DDB1: variants seen among roughly 807,000 people sequenced by gnomAD.
DDB1 encodes DNA damage-binding protein 1.
In DDB1, 18 loss-of-function variants were observed where a neutral mutation model predicts 133.1. That is an observed-to-expected ratio of 0.14 (90% CI 0.09 to 0.20). DDB1 has a LOEUF of 0.20. Among genes scored for constraint, DDB1 ranks in the 10% least tolerant of loss-of-function variants. The pLI, the probability that DDB1 is intolerant of heterozygous loss-of-function variation, is 1.00. For synonymous variants in DDB1, 580 were observed against 550.5 expected (o/e 1.05, Z -0.75); for missense variants, 828 against 1,459.2 (o/e 0.57, Z 7.05).
rs112533375 is a variant in DDB1 at position 61,323,284 on chromosome 11, A to G, written c.922-190T>C. On this transcript the variant is annotated intron_variant, in intron 7 of 26. Transcript: ENST00000301764. ...CTCTGAAGTTTTTGATTCTTCATCT[A>G]TTGCATCCCTACACTCAGAAAAATC... 3.3e-5 allele frequency: 20 copies of G among 609,886 alleles called. 1 individual carries two copies. The highest frequency in any genetic ancestry group is 1.8e-4 in the African/African-American group (10 of 54,498). 37.8% of individuals were successfully genotyped at this position (609,886 alleles called of 1,614,324 possible). A position where few individuals can be genotyped will look rare whatever the true frequency, so the allele number is the denominator to read the frequency against.
At chr11:61,319,630 C>G (rs1321933900) in intron 10 of DDB1, among the ~76,000 whole-genome samples, 1 of 152,090 alleles carries the variant, frequency 6.6e-6, no homozygotes, top group Non-Finnish European at 1.5e-5. Flanking sequence ...TGGGGTTTCA[C>G]CATGCTGGCC....
rs113207868 is a variant in DDB1 at position 61,309,275 on chromosome 11, T to C, written c.2567-198A>G. On this transcript the variant is annotated intron_variant, in intron 20 of 26. Transcript: ENST00000301764. Reference sequence around the variant, plus strand: ...CAAGATAATGTGCAGAGAAATCCAGTTGGTATCTAGGATCTGCCCCCTCGC... The same window carrying C: ...CAAGATAATGTGCAGAGAAATCCAGCTGGTATCTAGGATCTGCCCCCTCGC... 4.6e-5 allele frequency among the ~76,000 whole-genome samples: 7 copies of C among 152,244 alleles called. 1 individual carries two copies. The highest frequency in any genetic ancestry group is 2.1e-4 in the South Asian group (1 of 4,822).
At chr11:61,325,063 G>A (rs964851240) in intron 6 of DDB1, among the ~76,000 whole-genome samples, 10 of 152,052 alleles carry the variant, frequency 6.6e-5, no homozygotes, top group South Asian at 2.1e-4. Flanking sequence ...CAGGAGAATC[G>A]CCTGAACCTG....
intron 25 of DDB1, 84 bp downstream of exon 25, chr11:61,302,173 T>C (rs1212574360): frequency 2.0e-5 from 24 of 1,175,696 alleles, no homozygotes; most frequent in South Asian, 1.8e-4. Context: ...TCAAGACATG[T>C]AGTAGCTTCC....
intron 10 of DDB1, among the ~76,000 whole-genome samples, chr11:61,319,842 A>G (rs1454100494): frequency 6.6e-6 from 1 of 152,230 alleles, no homozygotes; most frequent in Non-Finnish European, 1.5e-5. Context: ...TTAAATATAA[A>G]GAGAGAACAG....
At chr11:61,325,195 C>G (rs1357518902) in intron 6 of DDB1, among the ~76,000 whole-genome samples, 1 of 151,888 alleles carries the variant, frequency 6.6e-6, no homozygotes, top group Non-Finnish European at 1.5e-5. Flanking sequence ...TAAAGTTGCC[C>G]CATGTGGTAG....
At chr11:61,303,416 C>T in intron 22 of DDB1, 1 of 394,404 alleles carries the variant, frequency 2.5e-6, no homozygotes, top group Non-Finnish European at 4.7e-6. Context: ...GGGCCGGGCA[C>T]AGTGGCTCAC....
chr11:61,302,121 A>G, intron 25 of DDB1, 136 bp downstream of exon 25: 3 of 730,342 alleles, frequency 4.1e-6, no homozygotes, highest in East Asian at 5.3e-5. Flanking sequence ...AAAAAGTCAA[A>G]AACAAAACAA....
intron 1 of DDB1, 69 bp downstream of exon 1, chr11:61,332,839 G>T: frequency 7.6e-7 from 1 of 1,322,058 alleles, no homozygotes; most frequent in Non-Finnish European, 9.8e-7. Flanking sequence ...CCGGGGCGGC[G>T]GGCCTCCCTA....
intron 21 of DDB1, among the ~76,000 whole-genome samples, chr11:61,306,970 T>C (rs1027318398): frequency 3.9e-5 from 6 of 152,176 alleles, no homozygotes; most frequent in African/African-American, 1.4e-4. Flanking sequence ...CTACTCAAAT[T>C]GCCAATACCT....
chr11:61,326,683 C>T (rs1856275900), intron 5 of DDB1, 96 bp downstream of exon 5: 3 of 921,938 alleles, frequency 3.3e-6, no homozygotes, highest in East Asian at 2.4e-5. Context: ...TAATACCGAG[C>T]GCCAAAACGA....
chr11:61,317,275 G>C (rs1856105067), intron 10 of DDB1, among the ~76,000 whole-genome samples: 1 of 151,210 alleles, frequency 6.6e-6, no homozygotes, highest in Non-Finnish European at 1.5e-5. Flanking sequence ...CACCACACCT[G>C]GCTAATTTTT....
At chr11:61,331,893 C>T (rs1328978334) in intron 1 of DDB1, 8 of 607,064 alleles carry the variant, frequency 1.3e-5, no homozygotes, top group Non-Finnish European at 2.0e-5. Flanking sequence ...AGCTACTTCC[C>T]TAATCAGACT....
At chr11:61,322,920 A>G in intron 8 of DDB1, 91 bp downstream of exon 8, 3 of 992,712 alleles carry the variant, frequency 3.0e-6, no homozygotes, top group Non-Finnish European at 4.5e-6. Flanking sequence ...GATAAAATGG[A>G]GAGATTCTGA....
Position 61,309,967 on chromosome 11 carries a change from A to C in DDB1, c.2402-7T>G. 1 of 1,614,178 alleles carries C rather than the reference A, an allele frequency of 6.2e-7. No homozygotes were observed. The highest frequency in any genetic ancestry group is 8.5e-7 in the Non-Finnish European group (1 of 1,180,000). ...AACTGGTGGGCATGAAGCACTAGAG[A>C]GTAGAGAGATGACTACGTGATGACA... On this transcript the variant is annotated splice_region_variant and splice_polypyrimidine_tract_variant and intron_variant, in intron 19 of 26. Coordinates refer to ENST00000301764, the MANE Select transcript of DDB1 (RefSeq NM_001923.5).
chr11:61,300,000 A>G lies in DDB1; in HGVS notation c.*136T>C. 1 of 770,954 alleles carries G rather than the reference A, an allele frequency of 1.3e-6. No homozygotes were observed. The highest frequency in any genetic ancestry group is 2.1e-5 in the Admixed American group (1 of 46,888). 47.8% of individuals were successfully genotyped at this position (770,954 alleles called of 1,614,324 possible). A position where few individuals can be genotyped will look rare whatever the true frequency, so the allele number is the denominator to read the frequency against. On this transcript the variant is annotated 3_prime_UTR_variant, in exon 27 of 27. Transcript: ENST00000301764. ...TATGAAGCCCGCCCCACTTCCACAT[A>G]GGGGAACTGTGGCTCTGGGGGCAGC...
chr11:61,323,419 TC>T, intron 7 of DDB1: 1 of 297,450 alleles, frequency 3.4e-6, no homozygotes, highest in South Asian at 4.0e-5. Context: ...CTTTTTTTTT[TC>T]TTTTTTTGAG....
chr11:61,301,812 G>T, intron 25 of DDB1: 1 of 163,020 alleles, frequency 6.1e-6, no homozygotes, highest in Non-Finnish European at 1.3e-5. Flanking sequence ...ATAGCACTTG[G>T]ATTCTGGGGG....
intron 26 of DDB1, among the ~76,000 whole-genome samples, 183 bp from the exon 27 acceptor site, chr11:61,300,402 T>TTTCTCCCTCTTCAAGA (rs1855773540): frequency 6.6e-6 from 1 of 152,142 alleles, no homozygotes; most frequent in African/African-American, 2.4e-5. Flanking sequence ...ACCTGGTCTA[T>TTTCTCCCTCTTCAAGA]TTCTCCCTCT....
Sources: allele counts gnomAD v4.1 joint callset (sites outside exome capture counted in the v4.1 genomes callset), GRCh38; gene constraint gnomAD v4.1.1; transcripts MANE v1.5; gene names NCBI Gene and HGNC (gene_info 2026-07-23, HGNC 2026-07-21).